The following CRACR2A variants were observed in gnomAD, a reference collection of about 807,000 sequenced individuals.
CRACR2A encodes the protein EF-hand calcium-binding domain-containing protein 4B.
A neutral mutation model predicts 90.5 loss-of-function variants in CRACR2A; 79 were observed. That is an observed-to-expected ratio of 0.87 (90% confidence interval 0.73 to 1.05). The LOEUF (loss-of-function observed/expected upper bound fraction) is 1.05. Ranked by LOEUF, CRACR2A falls within the 50% of genes least tolerant of loss-of-function variation. CRACR2A has a pLI of 0.00. For synonymous variants in CRACR2A, 338 were observed against 356.7 expected (o/e 0.95, Z 0.59); for missense variants, 823 against 897.2 (o/e 0.92, Z 1.06).
chr12:3,627,417 A>G lies in CRACR2A; in HGVS notation c.1932+19T>C. The G allele has an allele frequency of 6.5e-7, 1 of 1,538,678 alleles. No homozygotes were observed. The highest frequency in any genetic ancestry group is 8.8e-7 in the Non-Finnish European group (1 of 1,135,372). On this transcript the variant is annotated intron_variant, in intron 17 of 19. Coordinates refer to ENST00000440314, the MANE Select transcript of CRACR2A (RefSeq NM_001144958.2). ...GCCACAGTCAAGCCTAAATGCTCCT[A>G]GGAAGGTCGCCAGCTCACCTCCACG...
At chr12:3,743,754 G>C (rs748248332) in intron 1 of CRACR2A, among the ~76,000 whole-genome samples, 6 of 152,140 alleles carry the variant, frequency 3.9e-5, no homozygotes, top group Non-Finnish European at 8.8e-5. Flanking sequence ...ATGCTTTGCT[G>C]TTTCCCCAGC....
At chr12:3,636,890 C>T (rs1944463116) in intron 14 of CRACR2A, among the ~76,000 whole-genome samples, 1 of 93,352 alleles carries the variant, frequency 1.1e-5, no homozygotes, top group East Asian at 3.3e-4. Flanking sequence ...ACTGCAGCCA[C>T]TGGGAAAAGT....
At chr12:3,737,232 G>GTT (rs113931920) in intron 1 of CRACR2A, among the ~76,000 whole-genome samples, 23,816 of 152,116 alleles carry the variant, frequency 0.16, 2,051 homozygotes, top group African/African-American at 0.2. Context: ...TGGGAAGCCT[G>GTT]TTAAGGAGGG....
intron 7 of CRACR2A, among the ~76,000 whole-genome samples, chr12:3,670,532 C>T (rs1209027918): frequency 6.6e-6 from 1 of 152,166 alleles, no homozygotes; most frequent in Admixed American, 6.5e-5. Flanking sequence ...ATATCCTATA[C>T]CCTATTGGGA....
At chr12:3,734,816 T>C (rs571252877) in intron 1 of CRACR2A, among the ~76,000 whole-genome samples, 14 of 152,140 alleles carry the variant, frequency 9.2e-5, no homozygotes, top group South Asian at 6.2e-4. Flanking sequence ...TCCAAAACAA[T>C]TGAACTCAGA....
At chr12:3,729,931 A>T (rs1404245795) in intron 2 of CRACR2A, 1 of 152,190 alleles carries the variant, frequency 6.6e-6, no homozygotes, top group African/African-American at 2.4e-5. Flanking sequence ...AACACTTCTG[A>T]CTGTCTTGTA....
chr12:3,654,735 A>T (rs1252120598), intron 9 of CRACR2A, among the ~76,000 whole-genome samples: 2 of 152,166 alleles, frequency 1.3e-5, no homozygotes, highest in Admixed American at 1.3e-4. Context: ...ACCTAAATCC[A>T]TCTTGTTGTC....
At chr12:3,715,940 T>C (rs1432445565) in intron 2 of CRACR2A, among the ~76,000 whole-genome samples, 2 of 152,146 alleles carry the variant, frequency 1.3e-5, no homozygotes, top group Non-Finnish European at 2.9e-5. Flanking sequence ...AAATCAGAAC[T>C]GTACAGTGGA....
At chr12:3,648,476 A>T (rs1184984749) in intron 11 of CRACR2A, 66 bp downstream of exon 11, 1 of 1,612,856 alleles carries the variant, frequency 6.2e-7, no homozygotes, top group East Asian at 2.2e-5. Flanking sequence ...TGACCCTCAG[A>T]CTGGTCCTTC....
At chr12:3,745,519 A>T (rs1946598360) in intron 1 of CRACR2A, among the ~76,000 whole-genome samples, 2 of 151,964 alleles carry the variant, frequency 1.3e-5, no homozygotes, top group Non-Finnish European at 2.9e-5. Context: ...CACACCTGTA[A>T]TCTCAGCACT....
intron 15 of CRACR2A, among the ~76,000 whole-genome samples, chr12:3,630,867 C>T (rs952623210): frequency 2.0e-5 from 3 of 152,162 alleles, no homozygotes; most frequent in Non-Finnish European, 4.4e-5. Flanking sequence ...TGGTGCAGTA[C>T]AAAACATGCT....
At chr12:3,652,334 T>A (rs151075987) in intron 10 of CRACR2A, among the ~76,000 whole-genome samples, 1,760 of 152,356 alleles carry the variant, frequency 0.012, 18 homozygotes, top group Middle Eastern at 0.031. Context: ...TGTTGACCTG[T>A]TCTCAATGAG....
intron 8 of CRACR2A, among the ~76,000 whole-genome samples, 173 bp downstream of exon 8, chr12:3,659,391 C>A (rs1160257215): frequency 6.6e-6 from 1 of 151,972 alleles, no homozygotes; most frequent in African/African-American, 2.4e-5. Context: ...TAAAAATAAA[C>A]AAGGATATTA....
intron 4 of CRACR2A, among the ~76,000 whole-genome samples, chr12:3,688,814 C>T (rs1945607657): frequency 6.6e-6 from 1 of 152,224 alleles, no homozygotes; most frequent in Non-Finnish European, 1.5e-5. Context: ...TCTTCTGATG[C>T]ATGAGCATAG....
chr12:3,743,299 A>G (rs1234976393), intron 1 of CRACR2A, among the ~76,000 whole-genome samples: 6 of 152,254 alleles, frequency 3.9e-5, no homozygotes, highest in Non-Finnish European at 8.8e-5. Flanking sequence ...GCTGCAGTTC[A>G]ATGTACTAAA....
chr12:3,695,699 G>A (rs1294464801), intron 4 of CRACR2A, among the ~76,000 whole-genome samples: 1 of 152,224 alleles, frequency 6.6e-6, no homozygotes, highest in Non-Finnish European at 1.5e-5. Context: ...CCTAGCCATT[G>A]TGCTTCCTCC....
Position 3,659,232 on chromosome 12 carries a change from G to GTTCA in CRACR2A, c.762+328_762+331dup, listed in dbSNP as rs71583727. On this transcript the variant is annotated intron_variant, in intron 8 of 19. Coordinates refer to ENST00000440314, the MANE Select transcript of CRACR2A (RefSeq NM_001144958.2). ...CTTTCATTCATTCACTCATTCACTTGTTCATTCATTCATTCATTTAACAAA... is the reference window on the plus strand; with the variant it reads ...CTTTCATTCATTCACTCATTCACTTGTTCATTCATTCATTCATTCATTTAACAAA... 4.9e-3 allele frequency among the ~76,000 whole-genome samples: 751 copies of GTTCA among 152,260 alleles called. 2 individuals carry two copies. The highest frequency in any genetic ancestry group is 0.01 in the Middle Eastern group (3 of 294).
chr12:3,734,908 A>G (rs75123309), intron 1 of CRACR2A, among the ~76,000 whole-genome samples: 23,817 of 152,036 alleles, frequency 0.16, 2,058 homozygotes, highest in African/African-American at 0.2. Context: ...ACAAAATTGC[A>G]GTTACAATGT....
chr12:3,670,040 C>A, intron 7 of CRACR2A, among the ~76,000 whole-genome samples: 1 of 152,228 alleles, frequency 6.6e-6, no homozygotes, highest in East Asian at 1.9e-4. Flanking sequence ...GCAGAATTTC[C>A]AGGCATCTAA....
Sources: gnomAD v4.1 joint callset for allele counts (sites outside exome capture counted in the v4.1 genomes callset) on GRCh38, gnomAD v4.1.1 for gene constraint, MANE v1.5 for transcripts, NCBI Gene and HGNC (gene_info 2026-07-23, HGNC 2026-07-21) for gene names.